Variants in PHTF2 observed in about 807,000 individuals in gnomAD.
PHTF2 encodes the protein protein PHTF2.
PHTF2 carries 60 observed loss-of-function variants against 101.2 expected under a neutral mutation model. The observed-to-expected ratio is 0.59, with a 90% CI of 0.48 to 0.73. The LOEUF (loss-of-function observed/expected upper bound fraction) is 0.73. Among genes scored for constraint, PHTF2 ranks in the 30% least tolerant of loss-of-function variants. The probability of loss-of-function intolerance (pLI) is 0.00; values close to 1 mark genes in which losing one functional copy is unlikely to be tolerated. For synonymous variants in PHTF2, 311 were observed against 307.3 expected (o/e 1.01, Z -0.13); for missense variants, 747 against 908.7 (o/e 0.82, Z 2.29).
intron 15 of PHTF2, among the ~76,000 whole-genome samples, chr7:77,941,770 C>T (rs895570977): frequency 6.6e-6 from 1 of 152,180 alleles, no homozygotes; most frequent in African/African-American, 2.4e-5. Flanking sequence ...TACCTCTTAC[C>T]TGGCATTCCA....
At chr7:77,945,017 G>A (rs1274994740) in intron 16 of PHTF2, among the ~76,000 whole-genome samples, 1 of 152,178 alleles carries the variant, frequency 6.6e-6, no homozygotes, top group Admixed American at 6.5e-5. Context: ...TTTAGACATC[G>A]TGGGAGATCC....
rs77751706 is a variant in PHTF2, at chr7:77,879,111, A to G, written c.148-14497A>G. ...TCCAGTGAGTTTCCTATTCCTGTAC[A>G]TTTTATCTTACAGACATTGGTCCTT... On this transcript the variant is annotated intron_variant, in intron 3 of 19. Coordinates refer to ENST00000416283, the Ensembl canonical transcript of PHTF2. 9.1e-3 allele frequency among the ~76,000 whole-genome samples: 1,380 copies of G among 152,230 alleles called. 19 individuals are homozygous for G. The highest frequency in any genetic ancestry group is 0.026 in the African/African-American group (1,092 of 41,534).
intron 16 of PHTF2, among the ~76,000 whole-genome samples, chr7:77,947,425 C>T (rs1166189951): frequency 2.0e-5 from 3 of 151,114 alleles, no homozygotes; most frequent in Non-Finnish European, 3.0e-5. Context: ...TAGCCCGTCG[C>T]GGTGGTCCAT....
intron 1 of PHTF2, among the ~76,000 whole-genome samples, chr7:77,804,036 T>C (rs1002951249): frequency 1.3e-5 from 2 of 152,206 alleles, no homozygotes; most frequent in Admixed American, 6.5e-5. Context: ...AGGAACTTGT[T>C]TTCTCAAATC....
intron 3 of PHTF2, among the ~76,000 whole-genome samples, chr7:77,883,279 T>A (rs1799562259): frequency 6.6e-6 from 1 of 152,168 alleles, no homozygotes; most frequent in South Asian, 2.1e-4. Context: ...GTCTGAAGGT[T>A]ATTCATCATT....
chr7:77,876,553 G>A (rs563825708), intron 3 of PHTF2, among the ~76,000 whole-genome samples: 1 of 152,210 alleles, frequency 6.6e-6, no homozygotes, highest in South Asian at 2.1e-4. Flanking sequence ...GTAAAATGAA[G>A]ATAATGTTTA....
chr7:77,854,728 T>C (rs752500965), intron 2 of PHTF2: 11 of 709,694 alleles, frequency 1.5e-5, no homozygotes, highest in Admixed American at 2.0e-5. Flanking sequence ...CCTTTGCTCA[T>C]GTAGGAGTTT....
intron 1 of PHTF2, among the ~76,000 whole-genome samples, chr7:77,808,818 A>T: frequency 6.6e-6 from 1 of 152,168 alleles, no homozygotes; most frequent in Non-Finnish European, 1.5e-5. Flanking sequence ...TTGGACAATC[A>T]TAGGGCTCAC....
At chr7:77,943,891 G>C (rs766049981) in intron 16 of PHTF2, among the ~76,000 whole-genome samples, 1 of 151,844 alleles carries the variant, frequency 6.6e-6, no homozygotes, top group Admixed American at 6.6e-5. Flanking sequence ...GGTGGTAGGC[G>C]CCTGTAATCC....
At chr7:77,849,528 C>CT (rs1227461866) in intron 2 of PHTF2, among the ~76,000 whole-genome samples, 1 of 152,118 alleles carries the variant, frequency 6.6e-6, no homozygotes, top group African/African-American at 2.4e-5. Flanking sequence ...CTCAGAATGT[C>CT]TGACTATTCT....
intron 3 of PHTF2, among the ~76,000 whole-genome samples, chr7:77,855,779 A>C (rs1346402398): frequency 2.6e-5 from 4 of 152,208 alleles, no homozygotes; most frequent in African/African-American, 7.2e-5. Flanking sequence ...TCCAATGCAA[A>C]GTCTCATAAT....
intron 4 of PHTF2, 59 bp downstream of exon 3, chr7:77,893,723 C>A: frequency 1.4e-6 from 1 of 720,826 alleles, no homozygotes; most frequent in Non-Finnish European, 2.4e-6. Flanking sequence ...TTATTAATTA[C>A]ATTTTCTGTA....
At chr7:77,815,608 T>C (rs1428656046) in intron 1 of PHTF2, among the ~76,000 whole-genome samples, 1 of 152,254 alleles carries the variant, frequency 6.6e-6, no homozygotes, top group African/African-American at 2.4e-5. Context: ...GCTCTTTCAA[T>C]TGATATTTTA....
rs142635238 is a variant in PHTF2 at position 77,834,230 on chromosome 7, C to G, written c.-35-5991C>G. ...TTTGGGGGCTGAGGCAGAAGGATCACTTGAGCTGGGAAGTCGAAGCTGCCG... is the reference window on the plus strand; with the variant it reads ...TTTGGGGGCTGAGGCAGAAGGATCAGTTGAGCTGGGAAGTCGAAGCTGCCG... On this transcript the variant is annotated intron_variant, in intron 1 of 19. Transcript: ENST00000416283. Among the ~76,000 whole-genome samples, 10 of 149,006 alleles carry G rather than the reference C, an allele frequency of 6.7e-5. 1 individual carries two copies. Among genetic ancestry groups the G allele is most frequent in the Middle Eastern group, 6.9e-3 (2 of 290 alleles).
chr7:77,836,943 T>G (rs112455803), intron 1 of PHTF2, among the ~76,000 whole-genome samples: 3 of 145,654 alleles, frequency 2.1e-5, no homozygotes, highest in Admixed American at 7.0e-5. Context: ...TCTGCACATG[T>G]ACCCCAAAAC....
At chr7:77,861,042 A>T (rs926924142) in intron 3 of PHTF2, among the ~76,000 whole-genome samples, 6 of 152,166 alleles carry the variant, frequency 3.9e-5, no homozygotes, top group Non-Finnish European at 8.8e-5. Flanking sequence ...TATATCAGTT[A>T]AAATGGAAAA....
intron 9 of PHTF2, among the ~76,000 whole-genome samples, chr7:77,917,980 G>A (rs1562948306): frequency 6.6e-6 from 1 of 152,194 alleles, no homozygotes; most frequent in Non-Finnish European, 1.5e-5. Context: ...AGATAGTGGG[G>A]AGAGAAACAA....
intron 1 of PHTF2, among the ~76,000 whole-genome samples, chr7:77,820,219 G>C (rs1794173224): frequency 6.6e-6 from 1 of 152,106 alleles, no homozygotes; most frequent in South Asian, 2.1e-4. Flanking sequence ...ATTCAATCTG[G>C]TTACTTGTTA....
chr7:77,868,973 T>C (rs1742511268), intron 3 of PHTF2, among the ~76,000 whole-genome samples: 1 of 152,208 alleles, frequency 6.6e-6, no homozygotes, highest in Admixed American at 6.5e-5. Context: ...ATCCTATTCG[T>C]ACTTTATTAA....
Sources: allele counts gnomAD v4.1 joint callset (sites outside exome capture counted in the v4.1 genomes callset), GRCh38; gene constraint gnomAD v4.1.1; transcripts MANE v1.5; gene names NCBI Gene and HGNC (gene_info 2026-07-23, HGNC 2026-07-21).